OARD1: variants seen among roughly 807,000 people sequenced by gnomAD.
OARD1 encodes the protein O-acyl-ADP-ribose deacylase 1.
Under a neutral mutation model 19.7 loss-of-function variants are expected in OARD1, and 19 were observed. The observed-to-expected ratio is 0.96, with a 90% confidence interval of 0.67 to 1.41. OARD1 has a LOEUF of 1.41. Among genes scored for constraint, OARD1 ranks in the 40% most tolerant of loss-of-function variants. The pLI is 0.00. For missense variants in OARD1, 190 were observed against 183.8 expected (o/e 1.03, Z -0.20); for synonymous variants, 70 against 61.8 (o/e 1.13, Z -0.62).
At chr6:41,087,694 T>G (rs1341926247) in intron 1 of OARD1, among the ~76,000 whole-genome samples, 1 of 152,052 alleles carries the variant, frequency 6.6e-6, no homozygotes, top group East Asian at 1.9e-4. Context: ...GGGGCTCTCC[T>G]CACTGCTTTC....
At chr6:41,090,517 A>G (rs543223700) in intron 1 of OARD1, among the ~76,000 whole-genome samples, 12 of 152,114 alleles carry the variant, frequency 7.9e-5, no homozygotes, top group Non-Finnish European at 1.8e-4. Flanking sequence ...CAGTTTCTAT[A>G]GTGGTTGCTA....
rs367798709 is a variant in OARD1 at position 41,071,592 on chromosome 6, G to C, written c.39+4C>G. On this transcript the variant is annotated splice_donor_region_variant and intron_variant, in intron 2 of 5. Transcript: ENST00000424266. ...TCACCAATAAGTCAATAGTTGTTAC[G>C]CACTCTGCTTCCTTCTGGATCTTCA... The C allele has an allele frequency of 1.9e-5, 31 of 1,609,736 alleles. No homozygotes were observed. In the African/African-American group the frequency reaches 3.6e-4, roughly 19 times the overall value.
In OARD1 at chr6:41,091,791, G is replaced by A. The variant is rs553670537; in HGVS notation, c.-42+5922C>T. The A allele has an allele frequency of 1.7e-4, 231 of 1,386,162 alleles. 1 individual carries two copies. The Admixed American group carries it at 4.4e-3, about 27-fold the overall frequency. The allele number at this position is 1,386,162 out of a possible 1,614,324, so 85.9% of individuals were successfully genotyped here. A position where few individuals can be genotyped will look rare whatever the true frequency, so the allele number is the denominator to read the frequency against. On this transcript the variant is annotated intron_variant, in intron 1 of 4. Coordinates refer to the OARD1 transcript ENST00000480585. ...TATTATGTTGACCTCTTGGGATTGAGATCGATCCTTAAGGCACTGTCGGTA... is the reference window on the plus strand; with the variant it reads ...TATTATGTTGACCTCTTGGGATTGAAATCGATCCTTAAGGCACTGTCGGTA...
At position 41,071,291 on chromosome 6, in the gene OARD1, A is replaced by G. The variant is rs369019980; in HGVS notation, c.40-15T>C. 18 of 1,611,922 alleles carry G rather than the reference A, an allele frequency of 1.1e-5. No individual in the cohort carries two copies. In the African/African-American group the frequency reaches 1.7e-4, roughly 16 times the overall value. On this transcript the variant is annotated splice_polypyrimidine_tract_variant and intron_variant, in intron 2 of 5. Coordinates refer to ENST00000424266, the MANE Select transcript of OARD1 (RefSeq NM_001329686.2). ...ACATAAGTGATCTAAAAAATGTGCA[A>G]AGGAAAAGACAATGTTTTATTAGAT... is the stretch of plus-strand genomic sequence containing the variant.
intron 1 of OARD1, among the ~76,000 whole-genome samples, chr6:41,087,052 C>G (rs573089532): frequency 1.1e-3 from 162 of 152,032 alleles, no homozygotes; most frequent in Non-Finnish European, 1.8e-3. Flanking sequence ...ATACATACAA[C>G]CGAGTTTGTA....
rs533510981 is a variant in OARD1, at chr6:41,081,155, A to G, written c.-41-9480T>C. 1.8e-4 allele frequency among the ~76,000 whole-genome samples: 27 copies of G among 152,356 alleles called. 1 individual carries two copies. The South Asian group carries it at 4.8e-3, about 27-fold the overall frequency. On this transcript the variant is annotated intron_variant, in intron 1 of 4. Coordinates refer to the OARD1 transcript ENST00000480585. ...TGAGAATGCCTGGAAAAGAAATGGTATAAGTGACAGGAAGAAATTCTTATA... is the reference window on the plus strand; with the variant it reads ...TGAGAATGCCTGGAAAAGAAATGGTGTAAGTGACAGGAAGAAATTCTTATA...
In OARD1 at chr6:41,083,347, G is replaced by A. The variant is rs144924340; in HGVS notation, c.-41-11672C>T. ...CTGATAAAGCTAAAATAACCATGTG[G>A]ATATTATAGAGGCCAGTGAGGAATT... On this transcript the variant is annotated intron_variant, in intron 1 of 4. Transcript: ENST00000480585. Among the ~76,000 whole-genome samples the A allele has an allele frequency of 1.8e-4, 28 of 152,288 alleles. No homozygotes were observed. In the East Asian group the frequency reaches 5.0e-3, roughly 27 times the overall value.
At chr6:41,077,381 A>G (rs1763768195), upstream of OARD1, among the ~76,000 whole-genome samples, 1 of 151,962 alleles carries the variant, frequency 6.6e-6, no homozygotes, top group Non-Finnish European at 1.5e-5. Flanking sequence ...ATGCCAGTCA[A>G]CCTCCCTCTT....
intron 1 of OARD1, chr6:41,092,854 A>T: frequency 6.6e-7 from 1 of 1,525,746 alleles, no homozygotes; most frequent in Admixed American, 2.2e-5. Context: ...GAACCAAGAA[A>T]CTGTTTCTAT....
intron 2 of OARD1, 114 bp from the exon 3 acceptor site, chr6:41,071,390 A>C: frequency 8.7e-7 from 1 of 1,143,730 alleles, no homozygotes; most frequent in Non-Finnish European, 1.3e-6. Context: ...CCTTCCTCCA[A>C]TCTGATTTAA....
chr6:41,091,557 A>T, intron 1 of OARD1: 3 of 1,614,122 alleles, frequency 1.9e-6, no homozygotes, highest in Non-Finnish European at 2.5e-6. Context: ...CATGATCACT[A>T]TCCCAGCAGC....
chr6:41,093,749 G>A (rs2113820204), intron 1 of OARD1, among the ~76,000 whole-genome samples: 1 of 152,324 alleles, frequency 6.6e-6, no homozygotes, highest in Non-Finnish European at 1.5e-5. Context: ...GGGATTATAG[G>A]CGTGAGCCAC....
intron 1 of OARD1, among the ~76,000 whole-genome samples, chr6:41,095,915 C>G (rs555781898): frequency 6.6e-6 from 1 of 152,132 alleles, no homozygotes; most frequent in African/African-American, 2.4e-5. Context: ...GTTTAGTATC[C>G]AGTTCTGAAC....
Position 41,070,168 on chromosome 6 carries a change from A to C in OARD1, c.185-34T>G, listed in dbSNP as rs779142600. On this transcript the variant is annotated intron_variant, in intron 3 of 5. Coordinates refer to ENST00000424266, the MANE Select transcript of OARD1 (RefSeq NM_001329686.2). Reference sequence around the variant, plus strand: ...AAGTTATTTAATAGTAGAAATGAAAAAGAAAACCAAACACTGATCTCTAAA... The same window carrying C: ...AAGTTATTTAATAGTAGAAATGAAACAGAAAACCAAACACTGATCTCTAAA... The C allele has an allele frequency of 5.3e-6, 6 of 1,137,284 alleles. No homozygotes were observed. The African/African-American group carries it at 9.3e-5, about 18-fold the overall frequency. 70.4% of individuals were successfully genotyped at this position (1,137,284 alleles called of 1,614,324 possible). A position where few individuals can be genotyped will look rare whatever the true frequency, so the allele number is the denominator to read the frequency against.
upstream of OARD1, among the ~76,000 whole-genome samples, chr6:41,076,902 A>G (rs767982667): frequency 5.9e-5 from 9 of 152,218 alleles, no homozygotes; most frequent in African/African-American, 9.6e-5. Flanking sequence ...ATCATGATAC[A>G]GGCTAAATCA....
At chr6:41,092,929 C>T (rs1165759453) in intron 1 of OARD1, 2 of 1,613,614 alleles carry the variant, frequency 1.2e-6, no homozygotes, top group South Asian at 2.2e-5. Context: ...CTGGGGCTGG[C>T]TCTGTGCCTG....
At chr6:41,075,011 T>C (rs1763695094), upstream of OARD1, among the ~76,000 whole-genome samples, 1 of 152,238 alleles carries the variant, frequency 6.6e-6, no homozygotes, top group South Asian at 2.1e-4. Flanking sequence ...CGTATTCCAG[T>C]GCTCTTTCAT....
chr6:41,091,532 A>C, intron 1 of OARD1: 1 of 1,612,990 alleles, frequency 6.2e-7, no homozygotes, highest in Non-Finnish European at 8.5e-7. Flanking sequence ...TTAAAGTTAC[A>C]GTCCCTGTTT....
chr6:41,067,620 C>T, intron 5 of OARD1, among the ~76,000 whole-genome samples, 183 bp from the exon 6 acceptor site: 1 of 152,226 alleles, frequency 6.6e-6, no homozygotes. Context: ...CATTCCTAGA[C>T]AGCTCTAACA....
Sources: allele counts gnomAD v4.1 joint callset (sites outside exome capture counted in the v4.1 genomes callset), GRCh38; gene constraint gnomAD v4.1.1; transcripts MANE v1.5; gene names NCBI Gene and HGNC (gene_info 2026-07-23, HGNC 2026-07-21).